CPNE3: variants seen among roughly 807,000 people sequenced by gnomAD.
CPNE3 encodes copine-3.
A neutral mutation model predicts 63.9 loss-of-function variants in CPNE3; 68 were observed. The ratio of observed to expected loss-of-function variants is 1.06; its 90% confidence interval spans 0.87 to 1.30. The LOEUF (loss-of-function observed/expected upper bound fraction) is 1.30. Among genes scored for constraint, CPNE3 ranks in the 50% most tolerant of loss-of-function variants. The pLI is 0.00. For synonymous variants in CPNE3, 219 were observed against 197.5 expected (o/e 1.11, Z -0.91); for missense variants, 665 against 578.1 (o/e 1.15, Z -1.54).
At chr8:86,540,104 G>GT (rs1280249236) in intron 7 of CPNE3, 141 bp from the exon 8 acceptor site, 19 of 615,638 alleles carry the variant, frequency 3.1e-5, no homozygotes, top group Non-Finnish European at 5.0e-5. Context: ...GTTCTAGGTA[G>GT]TTTTTTTGTG....
rs1253134677 is a variant in CPNE3, at chr8:86,553,437, G to C, written c.1121-1414G>C. ...AGGACAGACCACATGTATGACAGTA[G>C]GCCCATAAGATTTTAATATTTTATT... On this transcript the variant is annotated intron_variant, in intron 14 of 16. Coordinates refer to ENST00000517490, the MANE Select transcript of CPNE3 (RefSeq NM_003909.5). Among the ~76,000 whole-genome samples, 3 of 152,104 alleles carry C rather than the reference G, an allele frequency of 2.0e-5. 1 individual carries two copies. Among genetic ancestry groups the C allele is most frequent in the Non-Finnish European group, 4.4e-5 (3 of 68,020 alleles).
At chr8:86,540,191 A>G in intron 7 of CPNE3, 54 bp from the exon 8 acceptor site, 1 of 1,083,822 alleles carries the variant, frequency 9.2e-7, no homozygotes, top group Non-Finnish European at 1.4e-6. Context: ...CAGGAGCAAA[A>G]TGTTAATGAA....
chr8:86,524,629 AT>A (rs1820499931), intron 2 of CPNE3: 1 of 150,876 alleles, frequency 6.6e-6, no homozygotes, highest in Non-Finnish European at 1.5e-5. Flanking sequence ...TCCCAGCCAA[AT>A]CTTTCATACT....
At chr8:86,548,025 A>T (rs1821092746) in intron 11 of CPNE3, among the ~76,000 whole-genome samples, 1 of 152,228 alleles carries the variant, frequency 6.6e-6, no homozygotes, top group Non-Finnish European at 1.5e-5. Flanking sequence ...TAAGGACTAG[A>T]AAGCATTAGT....
rs377255722 is a variant in CPNE3 at position 86,532,022 on chromosome 8, A to G, written c.388-487A>G. On this transcript the variant is annotated intron_variant, in intron 5 of 16. Transcript: ENST00000517490. ...GGTGTTGATTTTTGTGGGAAAGAGA[A>G]CATTATCAGTAGTTAGCTTCCTTGT... is the stretch of plus-strand genomic sequence containing the variant. Among the ~76,000 whole-genome samples, 9 of 152,340 alleles carry G rather than the reference A, an allele frequency of 5.9e-5. No homozygotes were observed. In the East Asian group the frequency reaches 1.7e-3, roughly 29 times the overall value.
rs1291417915 is a variant in CPNE3, at chr8:86,528,956, A to G, written c.144A>G (p.Thr48=). ...SGQQWYEVER[T]ERIKNCLNPQ... Reference sequence around the variant, plus strand: ...GCGGATGGGTGTAGGTTGAGCGCACAGAAAGGATTAAGAATTGCTTGAATC... The same window carrying G: ...GCGGATGGGTGTAGGTTGAGCGCACGGAAAGGATTAAGAATTGCTTGAATC... Residue 48 remains threonine (T), a synonymous_variant, in exon 4 of 17, where the codon ACA becomes ACG. Coordinates refer to ENST00000517490, the MANE Select transcript of CPNE3 (RefSeq NM_003909.5). 6.2e-7 allele frequency: 1 copy of G among 1,612,932 alleles called. No homozygotes were observed. The highest frequency in any genetic ancestry group is 1.1e-5 in the South Asian group (1 of 91,056).
chr8:86,516,382 A>G (rs1190067103), intron 2 of CPNE3, among the ~76,000 whole-genome samples: 2 of 152,134 alleles, frequency 1.3e-5, no homozygotes, highest in Non-Finnish European at 2.9e-5. Flanking sequence ...TTTATAGACA[A>G]TGGTCTTCAT....
chr8:86,540,416 T>C, intron 8 of CPNE3, 82 bp downstream of exon 8: 1 of 632,206 alleles, frequency 1.6e-6, no homozygotes, highest in Non-Finnish European at 2.4e-6. Context: ...TAAGATAGTA[T>C]TTAAAGAAAG....
intron 6 of CPNE3, among the ~76,000 whole-genome samples, chr8:86,534,167 G>C (rs1444802724): frequency 6.6e-6 from 1 of 151,382 alleles, no homozygotes; most frequent in Non-Finnish European, 1.5e-5. Context: ...CATTTAACAT[G>C]TTTCTCTCTC....
In CPNE3 at chr8:86,550,879, A is replaced by G. The variant is rs1821158320; in HGVS notation, c.1014-167A>G. ...AGTGCACAGAAAAATATTTAGGATG[A>G]GAGTTGTCAAATATTAACATTGATT... On this transcript the variant is annotated intron_variant, in intron 12 of 16. Coordinates refer to ENST00000517490, the MANE Select transcript of CPNE3 (RefSeq NM_003909.5). 25 of 630,054 alleles carry G rather than the reference A, an allele frequency of 4.0e-5. 3 individuals carry two copies. In the South Asian group the frequency reaches 6.9e-4, roughly 17 times the overall value. 39.0% of individuals were successfully genotyped at this position (630,054 alleles called of 1,614,324 possible). A position where few individuals can be genotyped will look rare whatever the true frequency, so the allele number is the denominator to read the frequency against.
chr8:86,555,939 A>G (rs751603602), intron 15 of CPNE3, among the ~76,000 whole-genome samples, 163 bp from the exon 16 acceptor site: 1 of 152,196 alleles, frequency 6.6e-6, no homozygotes, highest in Non-Finnish European at 1.5e-5. Context: ...TGTAAGAGTC[A>G]ATTTCCTTGT....
intron 2 of CPNE3, among the ~76,000 whole-genome samples, chr8:86,520,460 C>T (rs566006629): frequency 4.0e-5 from 6 of 150,838 alleles, no homozygotes; most frequent in Admixed American, 2.6e-4. Context: ...GAGGCTGAGG[C>T]AGGAGAATCA....
At chr8:86,549,354 A>G (rs1286460291) in intron 12 of CPNE3, among the ~76,000 whole-genome samples, 1 of 152,206 alleles carries the variant, frequency 6.6e-6, no homozygotes. Context: ...AAGGTGGTCA[A>G]ATATAACATA....
At chr8:86,548,493 G>A in intron 12 of CPNE3, 59 bp downstream of exon 12, 1 of 1,605,548 alleles carries the variant, frequency 6.2e-7, no homozygotes. Context: ...AGAAAGGGTA[G>A]TTTGTTTCAT....
At chr8:86,552,176 A>G (rs1298714719) in intron 14 of CPNE3, among the ~76,000 whole-genome samples, 1 of 152,266 alleles carries the variant, frequency 6.6e-6, no homozygotes, top group African/African-American at 2.4e-5. Context: ...TTTGACAATT[A>G]CAAATGTATA....
intron 9 of CPNE3, among the ~76,000 whole-genome samples, chr8:86,545,537 CT>C (rs1821028638): frequency 6.6e-6 from 1 of 152,074 alleles, no homozygotes; most frequent in South Asian, 2.1e-4. Context: ...ATTGTTTTTC[CT>C]TTCTTTAATT....
At chr8:86,526,750 G>A (rs1820549508) in intron 2 of CPNE3, among the ~76,000 whole-genome samples, 1 of 152,162 alleles carries the variant, frequency 6.6e-6, no homozygotes, top group Admixed American at 6.5e-5. Flanking sequence ...GACCTCAAGT[G>A]ATCCACCTGC....
chr8:86,541,104 C>A (rs1820927704), intron 8 of CPNE3, among the ~76,000 whole-genome samples: 1 of 152,018 alleles, frequency 6.6e-6, no homozygotes, highest in African/African-American at 2.4e-5. Flanking sequence ...GTTTGTTTTT[C>A]TCTTTTTCTG....
intron 2 of CPNE3, among the ~76,000 whole-genome samples, chr8:86,523,584 T>C (rs1820480100): frequency 6.6e-6 from 1 of 151,960 alleles, no homozygotes; most frequent in South Asian, 2.1e-4. Flanking sequence ...TCATTTGAAG[T>C]GTTTGTTTTG....
Sources: allele counts gnomAD v4.1 joint callset (sites outside exome capture counted in the v4.1 genomes callset), GRCh38; gene constraint gnomAD v4.1.1; transcripts MANE v1.5; gene names NCBI Gene and HGNC (gene_info 2026-07-23, HGNC 2026-07-21).